DHX57: variants seen among roughly 807,000 people sequenced by gnomAD.
The protein encoded by DHX57 is putative ATP-dependent RNA helicase DHX57.
In DHX57, 105 loss-of-function variants were observed where a neutral mutation model predicts 156.2. That is an observed-to-expected ratio of 0.67 (90% CI 0.57 to 0.79). The LOEUF (loss-of-function observed/expected upper bound fraction) is 0.79. Among genes scored for constraint, DHX57 ranks in the 30% least tolerant of loss-of-function variants. The pLI, the probability that DHX57 is intolerant of heterozygous loss-of-function variation, is 0.00. For missense variants in DHX57, 1,847 were observed against 1,661.9 expected (o/e 1.11, Z -1.94); for synonymous variants, 704 against 595.6 (o/e 1.18, Z -2.65).
intron 10 of DHX57, among the ~76,000 whole-genome samples, chr2:38,847,364 A>C (rs934418470): frequency 1.3e-5 from 2 of 152,144 alleles, no homozygotes; most frequent in African/African-American, 4.8e-5. Context: ...CACTTCCACC[A>C]TAGAGGACCT....
chr2:38,865,117 A>G (rs963739103), intron 2 of DHX57, among the ~76,000 whole-genome samples: 2 of 152,106 alleles, frequency 1.3e-5, no homozygotes, highest in African/African-American at 4.8e-5. Context: ...ACTTTCTCTT[A>G]GCTTTATTTA....
intron 12 of DHX57, among the ~76,000 whole-genome samples, chr2:38,840,814 G>A (rs1671953844): frequency 6.6e-6 from 1 of 152,036 alleles, no homozygotes; most frequent in South Asian, 2.1e-4. Flanking sequence ...AATTTTGAAA[G>A]AAGCCAAAGG....
intron 22 of DHX57, among the ~76,000 whole-genome samples, chr2:38,803,217 A>T (rs1282190447): frequency 6.6e-6 from 1 of 151,980 alleles, no homozygotes; most frequent in East Asian, 1.9e-4. Context: ...GGCTCCAGCA[A>T]TCCTTCTGCC....
chr2:38,861,122 G>T lies in DHX57; in HGVS notation c.1288C>A (p.His430Asn). 1 of 1,614,184 alleles carries T rather than the reference G, an allele frequency of 6.2e-7. No homozygotes were observed. The highest frequency in any genetic ancestry group is 8.5e-7 in the Non-Finnish European group (1 of 1,180,024). Reference protein sequence around the residue: ...EIVKLLTNTHHKYSDPPVNFL... With the variant: ...EIVKLLTNTHNKYSDPPVNFL... ...TTCACAGGAGGGTCACTATACTTGT[G>T]GTGGGTATTCGTTAGTAACTTGACT... Residue 430 changes from histidine (H) to asparagine (N), a missense_variant, in exon 5 of 24, where the codon CAC becomes AAC. By Grantham distance (68) the His-to-Asn change is moderately conservative. Transcript: ENST00000457308.
intron 21 of DHX57, among the ~76,000 whole-genome samples, chr2:38,807,780 T>C (rs897127110): frequency 1.3e-4 from 19 of 151,530 alleles, no homozygotes; most frequent in Admixed American, 9.2e-4. Flanking sequence ...CCCAAGTAGC[T>C]GGGATTACAG....
intron 13 of DHX57, among the ~76,000 whole-genome samples, chr2:38,836,590 A>C (rs1671669888): frequency 2.0e-5 from 3 of 152,102 alleles, no homozygotes; most frequent in Admixed American, 2.0e-4. Context: ...ACTGGCCAAC[A>C]TGGCAAAACC....
At chr2:38,852,334 T>A (rs1316045531) in intron 9 of DHX57, among the ~76,000 whole-genome samples, 3 of 68,906 alleles carry the variant, frequency 4.4e-5, no homozygotes, top group African/African-American at 6.7e-5. Context: ...CTGCCACCAA[T>A]CCTTTTTTTT....
At chr2:38,867,718 C>T (rs1572714478) in intron 2 of DHX57, among the ~76,000 whole-genome samples, 2 of 152,096 alleles carry the variant, frequency 1.3e-5, no homozygotes, top group African/African-American at 4.8e-5. Flanking sequence ...GCCACCATGC[C>T]TGGCTAATTT....
At chr2:38,833,822 T>A (rs1671507550) in intron 13 of DHX57, among the ~76,000 whole-genome samples, 1 of 152,016 alleles carries the variant, frequency 6.6e-6, no homozygotes, top group African/African-American at 2.4e-5. Context: ...GCACACAAAC[T>A]GCATAGCCTA....
intron 19 of DHX57, among the ~76,000 whole-genome samples, chr2:38,816,470 C>T (rs1670553547): frequency 6.6e-6 from 1 of 152,134 alleles, no homozygotes; most frequent in Non-Finnish European, 1.5e-5. Context: ...CCCACCTTGG[C>T]CTCCCAAAGC....
intron 9 of DHX57, among the ~76,000 whole-genome samples, chr2:38,849,864 C>T (rs1672491500): frequency 6.6e-6 from 1 of 152,188 alleles, no homozygotes; most frequent in African/African-American, 2.4e-5. Flanking sequence ...GTGAGGACTT[C>T]CTTGGCTACC....
rs909669809 is a variant in DHX57 at position 38,807,915 on chromosome 2, G to A, written c.3682-1222C>T. On this transcript the variant is annotated intron_variant, in intron 21 of 23. Coordinates refer to ENST00000457308, the MANE Select transcript of DHX57 (RefSeq NM_198963.3). Reference sequence around the variant, plus strand: ...CTTCCCTCTGTCTCCCAAAGTGCTGGGATTACAGGCGTGAGCCACTGTGTC... The same window carrying A: ...CTTCCCTCTGTCTCCCAAAGTGCTGAGATTACAGGCGTGAGCCACTGTGTC... 2.7e-5 allele frequency among the ~76,000 whole-genome samples: 4 copies of A among 149,210 alleles called. No individual in the cohort carries two copies. In the South Asian group the frequency reaches 8.5e-4, roughly 32 times the overall value.
At position 38,837,871 on chromosome 2, in the gene DHX57, T is replaced by TTA; in HGVS notation, c.2501_2502insTA (p.Leu834PhefsTer3). Reference sequence around the variant, plus strand: ...GCTTTCCATCCACAATCCACTCTAATAAGGCCTCTATTAATTCAAGATTCA... The same window carrying TTA: ...GCTTTCCATCCACAATCCACTCTAATTAAAGGCCTCTATTAATTCAAGATTCA... On this transcript the variant is annotated frameshift_variant, in exon 13 of 24. Transcript: ENST00000457308. LOFTEE classifies it high-confidence loss of function. 6.2e-7 allele frequency: 1 copy of TTA among 1,613,476 alleles called. No homozygotes were observed. Among genetic ancestry groups the TTA allele is most frequent in the Non-Finnish European group, 8.5e-7 (1 of 1,179,448 alleles).
At chr2:38,850,901 T>G (rs893900736) in intron 9 of DHX57, among the ~76,000 whole-genome samples, 2 of 151,730 alleles carry the variant, frequency 1.3e-5, no homozygotes, top group Non-Finnish European at 2.9e-5. Context: ...ATGGTGAAAC[T>G]CCGACTCTAT....
At chr2:38,806,096 G>C (rs1211327009) in intron 22 of DHX57, among the ~76,000 whole-genome samples, 1 of 152,226 alleles carries the variant, frequency 6.6e-6, no homozygotes, top group Non-Finnish European at 1.5e-5. Flanking sequence ...CAAATACCAT[G>C]TGAGAGGTGG....
rs79303924 is a variant in DHX57 at position 38,872,987 on chromosome 2, A to C, written c.-7+2800T>G. Among the ~76,000 whole-genome samples, 461 of 151,466 alleles carry C rather than the reference A, an allele frequency of 3.0e-3. 15 individuals carry two copies. The East Asian group carries it at 0.061, about 20-fold the overall frequency. ...CATACTAGGTGATAAAAGAAACCTC[A>C]ATACATTTTTTTTTTTTTAAGACAG... On this transcript the variant is annotated intron_variant, in intron 1 of 23. Coordinates refer to ENST00000457308, the MANE Select transcript of DHX57 (RefSeq NM_198963.3).
At chr2:38,856,504 T>A in intron 6 of DHX57, 43 bp from the exon 7 acceptor site, 1 of 213,186 alleles carries the variant, frequency 4.7e-6, no homozygotes, top group Non-Finnish European at 8.4e-6. Context: ...TTACTTTTTC[T>A]TTTTTTTTTT....
intron 21 of DHX57, among the ~76,000 whole-genome samples, chr2:38,808,770 T>TCAAA (rs1025479774): frequency 6.6e-6 from 1 of 152,176 alleles, no homozygotes; most frequent in Non-Finnish European, 1.5e-5. Flanking sequence ...TGCATTATTA[T>TCAAA]CAAACAACTA....
chr2:38,875,463 G>A (rs1173488161), intron 1 of DHX57, among the ~76,000 whole-genome samples: 1 of 152,162 alleles, frequency 6.6e-6, no homozygotes, highest in African/African-American at 2.4e-5. Flanking sequence ...GACGGAGTCA[G>A]AGAACGGAGC....
Sources: gnomAD v4.1 joint callset for allele counts (sites outside exome capture counted in the v4.1 genomes callset) on GRCh38, gnomAD v4.1.1 for gene constraint, MANE v1.5 for transcripts, NCBI Gene and HGNC (gene_info 2026-07-23, HGNC 2026-07-21) for gene names.